Variants in PLCB1 observed in about 807,000 individuals in gnomAD.
The protein encoded by PLCB1 is phospholipase C beta 1.
Under a neutral mutation model 161.8 loss-of-function variants are expected in PLCB1, and 46 were observed. The ratio of observed to expected loss-of-function variants is 0.28; its 90% CI spans 0.22 to 0.36. The LOEUF (loss-of-function observed/expected upper bound fraction) is 0.36. Ranked by LOEUF, PLCB1 falls within the 10% of genes least tolerant of loss-of-function variation. PLCB1 has a pLI of 1.00. For missense variants in PLCB1, 1,016 were observed against 1,472.5 expected (o/e 0.69, Z 5.07); for synonymous variants, 517 against 503.7 (o/e 1.03, Z -0.35).
At chr20:8,764,788 C>T (rs1982227037) in intron 25 of PLCB1, among the ~76,000 whole-genome samples, 1 of 152,214 alleles carries the variant, frequency 6.6e-6, no homozygotes, top group African/African-American at 2.4e-5. Flanking sequence ...CACACCCTTG[C>T]TCAGCTCCTT....
chr20:8,732,858 A>G (rs1193360036), intron 18 of PLCB1, among the ~76,000 whole-genome samples: 1 of 141,944 alleles, frequency 7.0e-6, no homozygotes, highest in African/African-American at 2.7e-5. Flanking sequence ...TATATATTAT[A>G]TATTAGATAT....
intron 11 of PLCB1, among the ~76,000 whole-genome samples, chr20:8,700,449 C>T (rs1172076231): frequency 1.3e-5 from 2 of 152,154 alleles, no homozygotes; most frequent in African/African-American, 2.4e-5. Flanking sequence ...CTTGTGCACT[C>T]GATCATAGAA....
At chr20:8,508,338 A>G (rs1387659654) in intron 3 of PLCB1, among the ~76,000 whole-genome samples, 3 of 152,168 alleles carry the variant, frequency 2.0e-5, no homozygotes, top group Non-Finnish European at 4.4e-5. Flanking sequence ...GCTGGGGCTG[A>G]ACTTCTTCCT....
At chr20:8,539,736 CTTTCTCTTT>C (rs1985229557) in intron 3 of PLCB1, among the ~76,000 whole-genome samples, 1 of 141,706 alleles carries the variant, frequency 7.1e-6, no homozygotes, top group Non-Finnish European at 1.5e-5. Context: ...TTCCTTTCTT[CTTTCTCTTT>C]TTTCTGTCCT....
At chr20:8,281,568 G>T (rs2123284950) in intron 2 of PLCB1, among the ~76,000 whole-genome samples, 1 of 152,052 alleles carries the variant, frequency 6.6e-6, no homozygotes, top group South Asian at 2.1e-4. Context: ...GTTCAATTAG[G>T]TAGCCTTTCT....
chr20:8,488,446 A>G (rs1272221810), intron 3 of PLCB1, among the ~76,000 whole-genome samples: 1 of 152,166 alleles, frequency 6.6e-6, no homozygotes, highest in African/African-American at 2.4e-5. Context: ...TCATGGGACA[A>G]TTATTTTCAT....
chr20:8,336,532 T>G lies in PLCB1; in HGVS notation c.178-34850T>G, dbSNP rs1985588191. Among the ~76,000 whole-genome samples, 3 of 152,264 alleles carry G rather than the reference T, an allele frequency of 2.0e-5. No individual in the cohort carries two copies. In the South Asian group the frequency reaches 6.2e-4, roughly 32 times the overall value. On this transcript the variant is annotated intron_variant, in intron 2 of 31. Coordinates refer to ENST00000338037, the MANE Select transcript of PLCB1 (RefSeq NM_015192.4). ...TCTCCACATTTAGTATTCATGCACA[T>G]CTCCTGGGGATCTTGTTAAAATGCA...
At chr20:8,493,868 A>G (rs1259444536) in intron 3 of PLCB1, among the ~76,000 whole-genome samples, 1 of 138,198 alleles carries the variant, frequency 7.2e-6, no homozygotes, top group Non-Finnish European at 1.5e-5. Flanking sequence ...CTATAGCATC[A>G]CTGGAAGCCG....
chr20:8,419,928 A>G (rs1301049318), intron 3 of PLCB1, among the ~76,000 whole-genome samples: 1 of 152,142 alleles, frequency 6.6e-6, no homozygotes, highest in Non-Finnish European at 1.5e-5. Context: ...CCTTGATTTT[A>G]GTCCTCAAAT....
rs6077334 is a variant in PLCB1 at position 8,246,424 on chromosome 20, G to A, written c.177+96053G>A. ...GCCTTTTCAGGCTTATGCACATGTA[G>A]GGGTATGGTTTCAAGAGAGAATGTA... is the stretch of plus-strand genomic sequence containing the variant. On this transcript the variant is annotated intron_variant, in intron 2 of 31. Coordinates refer to ENST00000338037, the MANE Select transcript of PLCB1 (RefSeq NM_015192.4). Among the ~76,000 whole-genome samples, 402 of 152,062 alleles carry A rather than the reference G, an allele frequency of 2.6e-3. 2 individuals carry two copies. The Middle Eastern group carries it at 0.044, about 17-fold the overall frequency.
At chr20:8,709,867 A>G (rs1371594495) in intron 12 of PLCB1, among the ~76,000 whole-genome samples, 2 of 152,182 alleles carry the variant, frequency 1.3e-5, no homozygotes, top group Non-Finnish European at 2.9e-5. Flanking sequence ...GGTCAAAGGA[A>G]GAGAAAGGAA....
chr20:8,755,744 A>G (rs941643452), intron 23 of PLCB1, among the ~76,000 whole-genome samples: 14 of 152,342 alleles, frequency 9.2e-5, no homozygotes, highest in African/African-American at 3.1e-4. Flanking sequence ...TCTCTAAAAG[A>G]AAATGGTATT....
intron 4 of PLCB1, among the ~76,000 whole-genome samples, chr20:8,630,170 T>A (rs1255353754): frequency 1.3e-5 from 2 of 150,716 alleles, no homozygotes; most frequent in Non-Finnish European, 3.0e-5. Context: ...CACTTCAACC[T>A]CTGCCTCCTG....
intron 18 of PLCB1, chr20:8,729,878 C>T (rs769216478): frequency 4.6e-5 from 7 of 151,948 alleles, no homozygotes; most frequent in African/African-American, 1.2e-4. Context: ...TTTAATATGA[C>T]GTGGCCTCTC....
chr20:8,351,531 G>A (rs1363332309), intron 2 of PLCB1, among the ~76,000 whole-genome samples: 1 of 151,910 alleles, frequency 6.6e-6, no homozygotes, highest in Non-Finnish European at 1.5e-5. Flanking sequence ...GCAGAAGACA[G>A]TATTAAAAGA....
chr20:8,624,675 A>G (rs1988282551), intron 3 of PLCB1, among the ~76,000 whole-genome samples: 1 of 152,176 alleles, frequency 6.6e-6, no homozygotes. Flanking sequence ...ATTACCTGAA[A>G]ATGGGAATCA....
At chr20:8,288,818 A>G (rs567823001) in intron 2 of PLCB1, among the ~76,000 whole-genome samples, 8 of 152,256 alleles carry the variant, frequency 5.3e-5, no homozygotes, top group African/African-American at 1.7e-4. Flanking sequence ...CAGTCACTCT[A>G]TTACTCTGTT....
At chr20:8,542,172 G>C (rs1985359843) in intron 3 of PLCB1, among the ~76,000 whole-genome samples, 1 of 152,138 alleles carries the variant, frequency 6.6e-6, no homozygotes, top group Admixed American at 6.6e-5. Context: ...TCCCTGAAGT[G>C]GTCCGTGAAC....
At chr20:8,182,290 T>G (rs2051852345) in intron 2 of PLCB1, among the ~76,000 whole-genome samples, 1 of 152,158 alleles carries the variant, frequency 6.6e-6, no homozygotes, top group Non-Finnish European at 1.5e-5. Context: ...ATCCTCCCAT[T>G]GAGAGTTGGA....
Sources: allele counts gnomAD v4.1 joint callset (sites outside exome capture counted in the v4.1 genomes callset), GRCh38; gene constraint gnomAD v4.1.1; transcripts MANE v1.5; gene names NCBI Gene and HGNC (gene_info 2026-07-23, HGNC 2026-07-21).